The following ZNRF3 variants were observed in gnomAD, a reference collection of about 807,000 sequenced individuals.
ZNRF3 encodes the protein E3 ubiquitin-protein ligase ZNRF3.
A neutral mutation model predicts 72.5 loss-of-function variants in ZNRF3; 23 were observed. The observed-to-expected ratio is 0.32, with a 90% CI of 0.23 to 0.45. The LOEUF (loss-of-function observed/expected upper bound fraction) is 0.45. Ranked by LOEUF, ZNRF3 falls within the 20% of genes least tolerant of loss-of-function variation. The pLI, the probability that ZNRF3 is intolerant of heterozygous loss-of-function variation, is 1.00. For synonymous variants in ZNRF3, 610 were observed against 545.3 expected, an observed-to-expected ratio of 1.12 and a Z score of -1.65; for missense variants, 1,169 against 1,272.1, an observed-to-expected ratio of 0.92 and a Z score of 1.23.
intron 1 of ZNRF3, among the ~76,000 whole-genome samples, chr22:28,968,555 C>G (rs533583717): frequency 1.4e-4 from 22 of 151,884 alleles, no homozygotes; most frequent in Non-Finnish European, 2.9e-4. Context: ...ACTAAAAATA[C>G]AAAATTAGCC....
chr22:28,952,675 C>A (rs1487350853), intron 1 of ZNRF3, among the ~76,000 whole-genome samples: 3 of 152,128 alleles, frequency 2.0e-5, no homozygotes, highest in Non-Finnish European at 4.4e-5. Flanking sequence ...TGAAGATAAT[C>A]TTCTGGCTTG....
At chr22:28,969,068 C>G (rs5762921) in intron 1 of ZNRF3, among the ~76,000 whole-genome samples, 1 of 152,226 alleles carries the variant, frequency 6.6e-6, no homozygotes, top group African/African-American at 2.4e-5. Context: ...TTCGTAACAT[C>G]CTAGGCTTCA....
At chr22:28,892,830 T>C (rs910016100) in intron 1 of ZNRF3, among the ~76,000 whole-genome samples, 18 of 152,174 alleles carry the variant, frequency 1.2e-4, no homozygotes, top group African/African-American at 3.6e-4. Context: ...AAACGTATGT[T>C]AGAATGGGGA....
intron 1 of ZNRF3, among the ~76,000 whole-genome samples, chr22:28,935,918 A>G (rs2123782424): frequency 6.6e-6 from 1 of 152,256 alleles, no homozygotes; most frequent in East Asian, 1.9e-4. Flanking sequence ...TGTTGCCTGT[A>G]CTTCCCATCC....
At chr22:28,967,855 G>A (rs2035500237) in intron 1 of ZNRF3, among the ~76,000 whole-genome samples, 1 of 151,482 alleles carries the variant, frequency 6.6e-6, no homozygotes, top group Non-Finnish European at 1.5e-5. Context: ...AGCCCAGGGG[G>A]GTTGAGGCTA....
intron 1 of ZNRF3, among the ~76,000 whole-genome samples, chr22:28,895,121 C>A (rs1033287371): frequency 6.6e-6 from 1 of 152,196 alleles, no homozygotes; most frequent in Non-Finnish European, 1.5e-5. Flanking sequence ...TTGTGCTTGG[C>A]AAGTCTCTTT....
At position 29,049,451 on chromosome 22, in the gene ZNRF3, C is replaced by T. The variant is rs775949296; in HGVS notation, c.1270C>T (p.Leu424=). 6.2e-7 allele frequency: 1 copy of T among 1,605,558 alleles called. No homozygotes were observed. The highest frequency in any genetic ancestry group is 1.3e-5 in the African/African-American group (1 of 74,910). ...AYIRSYPPLH[L]DHSLAAHRCG... is the part of the protein sequence containing the mutation. Reference sequence around the variant, plus strand: ...CATCCGCAGCTACCCACCCCTCCACCTGGACCACAGCCTGGCCGCTCACCG... The same window carrying T: ...CATCCGCAGCTACCCACCCCTCCACTTGGACCACAGCCTGGCCGCTCACCG... Residue 424 remains leucine, a synonymous_variant, in exon 8 of 9, where the codon CTG becomes TTG. Coordinates refer to ENST00000544604, the MANE Select transcript of ZNRF3 (RefSeq NM_001206998.2). The surrounding 1 kb of genome is among the most constrained non-coding windows in gnomAD (Gnocchi z 5.2).
At chr22:29,012,996 G>A (rs2036371345) in intron 2 of ZNRF3, among the ~76,000 whole-genome samples, 2 of 152,204 alleles carry the variant, frequency 1.3e-5, no homozygotes, top group Non-Finnish European at 2.9e-5. Flanking sequence ...AGTTACTTAA[G>A]CGTATAGATG....
At chr22:28,948,449 G>A (rs1015328207) in intron 1 of ZNRF3, among the ~76,000 whole-genome samples, 1 of 152,180 alleles carries the variant, frequency 6.6e-6, no homozygotes, top group Non-Finnish European at 1.5e-5. Flanking sequence ...TACAGGTGTT[G>A]GCCCAGCAAG....
intron 1 of ZNRF3, among the ~76,000 whole-genome samples, chr22:28,975,928 G>A (rs2035664700): frequency 6.6e-6 from 1 of 152,120 alleles, no homozygotes; most frequent in Non-Finnish European, 1.5e-5. Flanking sequence ...TTACTTGGCT[G>A]ATTTTGCTGT....
chr22:28,921,514 G>T (rs907117423), intron 1 of ZNRF3, among the ~76,000 whole-genome samples: 1 of 152,180 alleles, frequency 6.6e-6, no homozygotes. Context: ...TTTCAATGCT[G>T]CTGCCTCCAG....
intron 1 of ZNRF3, among the ~76,000 whole-genome samples, chr22:28,954,321 TC>T (rs1232474595): frequency 6.6e-6 from 1 of 152,182 alleles, no homozygotes; most frequent in African/African-American, 2.4e-5. Flanking sequence ...TGCTGTATCC[TC>T]CTGTGGCGAA....
At chr22:28,968,446 A>G (rs1333117116) in intron 1 of ZNRF3, among the ~76,000 whole-genome samples, 1 of 152,180 alleles carries the variant, frequency 6.6e-6, no homozygotes, top group African/African-American at 2.4e-5. Context: ...ATGGTGGCTC[A>G]AACCTGTAAT....
rs2037317118 is a variant in ZNRF3 at position 29,057,305 on chromosome 22, CATT to C, written c.*3684_*3686del. The stretch of plus-strand genomic sequence containing the variant: ...GCCATGTCTTATGTTGAGAGTGTGA[CATT>C]GTTGGAATAATCATTGAAAATGACT... On this transcript the variant is annotated 3_prime_UTR_variant, in exon 9 of 9. Transcript: ENST00000544604. 1.3e-5 allele frequency: 2 copies of C among 152,122 alleles called. No individual in the cohort carries two copies. The highest frequency in any genetic ancestry group is 4.8e-5 in the African/African-American group (2 of 41,422). 9.4% of individuals were successfully genotyped at this position (152,122 alleles called of 1,614,324 possible).
Position 28,986,586 on chromosome 22 carries a change from G to C in ZNRF3, c.301-490G>C, listed in dbSNP as rs722590. The C allele has an allele frequency of 3.4e-3, 3,307 of 984,726 alleles. 93 individuals are homozygous for C. The African/African-American group carries it at 0.054, about 16-fold the overall frequency. The allele number at this position is 984,726 out of a possible 1,614,324, so 61.0% of individuals were successfully genotyped here. Reference sequence around the variant, plus strand: ...TTTAAACAGCCTGTTAATTACACTGGTGATTTCTGTGGTCTCTGCATAGAG... The same window carrying C: ...TTTAAACAGCCTGTTAATTACACTGCTGATTTCTGTGGTCTCTGCATAGAG... On this transcript the variant is annotated intron_variant, in intron 1 of 8. Coordinates refer to ENST00000544604, the MANE Select transcript of ZNRF3 (RefSeq NM_001206998.2).
At chr22:29,005,838 C>T (rs938888369) in intron 2 of ZNRF3, among the ~76,000 whole-genome samples, 5 of 152,066 alleles carry the variant, frequency 3.3e-5, no homozygotes, top group African/African-American at 1.2e-4. Flanking sequence ...GAGTTCAAGA[C>T]CAGCCTGACC....
At chr22:29,005,880 A>G (rs2036233792) in intron 2 of ZNRF3, among the ~76,000 whole-genome samples, 1 of 152,106 alleles carries the variant, frequency 6.6e-6, no homozygotes, top group African/African-American at 2.4e-5. Context: ...TACTAACAAT[A>G]CAAAATTAGC....
At chr22:28,952,533 T>A (rs1166988734) in intron 1 of ZNRF3, among the ~76,000 whole-genome samples, 3 of 152,172 alleles carry the variant, frequency 2.0e-5, no homozygotes, top group Non-Finnish European at 2.9e-5. Context: ...TTGGTTCTTT[T>A]GTATATTAGC....
Position 29,044,766 on chromosome 22 carries a change from G to A in ZNRF3, c.634-14G>A. On this transcript the variant is annotated splice_polypyrimidine_tract_variant and intron_variant, in intron 4 of 8. Coordinates refer to ENST00000544604, the MANE Select transcript of ZNRF3 (RefSeq NM_001206998.2). ...AGAGAGGCTGTGACTCACTGTGTCTGTGTTCCGTTCCAGCAACCCACTGAA... is the reference window on the plus strand; with the variant it reads ...AGAGAGGCTGTGACTCACTGTGTCTATGTTCCGTTCCAGCAACCCACTGAA... 1.9e-6 allele frequency: 3 copies of A among 1,588,952 alleles called. No homozygotes were observed. Among genetic ancestry groups the A allele is most frequent in the Non-Finnish European group, 2.6e-6 (3 of 1,157,050 alleles).
Sources: gnomAD v4.1 joint callset for allele counts (sites outside exome capture counted in the v4.1 genomes callset) on GRCh38, gnomAD v4.1.1 for gene constraint, Gnocchi (gnomAD v3.1) non-coding constraint, MANE v1.5 for transcripts, NCBI Gene and HGNC (gene_info 2026-07-23, HGNC 2026-07-21) for gene names.